The following OPA1 variants were observed in gnomAD, a reference collection of about 807,000 sequenced individuals.
OPA1 encodes the protein OPA1 mitochondrial dynamin like GTPase, also known as dynamin-like GTPase OPA1, mitochondrial.
A neutral mutation model predicts 152.9 loss-of-function variants in OPA1; 59 were observed. The observed-to-expected ratio is 0.39, with a 90% confidence interval of 0.31 to 0.48. The LOEUF is 0.48. Among genes scored for constraint, OPA1 ranks in the 20% least tolerant of loss-of-function variants. The pLI, the probability that OPA1 is intolerant of heterozygous loss-of-function variation, is 0.96. For synonymous variants in OPA1, 400 were observed against 389.9 expected, an observed-to-expected ratio of 1.03 and a Z score of -0.31; for missense variants, 1,008 against 1,216.8, an observed-to-expected ratio of 0.83 and a Z score of 2.55.
At chr3:193,653,019 C>T (rs971364854) in intron 21 of OPA1, among the ~76,000 whole-genome samples, 3 of 152,156 alleles carry the variant, frequency 2.0e-5, no homozygotes, top group African/African-American at 7.2e-5. Flanking sequence ...CCCTGGAGGT[C>T]AGAGGCTGGA....
At chr3:193,654,513 G>T (rs928031630) in intron 21 of OPA1, among the ~76,000 whole-genome samples, 1 of 146,594 alleles carries the variant, frequency 6.8e-6, no homozygotes, top group Non-Finnish European at 1.5e-5. Flanking sequence ...AAAAAAAAAA[G>T]TGAAATATTA....
At chr3:193,613,972 T>A in intron 1 of OPA1, 1 of 519,006 alleles carries the variant, frequency 1.9e-6, no homozygotes, top group African/African-American at 1.9e-5. Flanking sequence ...AGTAAGCAAC[T>A]AATAGTAAGC....
chr3:193,653,271 C>T (rs1451684708), intron 21 of OPA1, among the ~76,000 whole-genome samples: 2 of 152,152 alleles, frequency 1.3e-5, no homozygotes, highest in Non-Finnish European at 2.9e-5. Context: ...CAGTGGGAAA[C>T]CAGGATCTGT....
chr3:193,668,470 G>A (rs952644026), intron 29 of OPA1: 7 of 1,550,436 alleles, frequency 4.5e-6, no homozygotes, highest in African/African-American at 2.7e-5. Context: ...GCTCTGCTCT[G>A]ACGCTTTGTG....
At chr3:193,628,328 C>T (rs1731500856) in intron 7 of OPA1, among the ~76,000 whole-genome samples, 1 of 152,000 alleles carries the variant, frequency 6.6e-6, no homozygotes, top group Non-Finnish European at 1.5e-5. Context: ...ATTAGAACTA[C>T]CATTGGTAGT....
chr3:193,672,690 GAAACCCCGTCTCTACT>G (rs1268513052), intron 29 of OPA1, among the ~76,000 whole-genome samples: 14 of 152,188 alleles, frequency 9.2e-5, no homozygotes, highest in African/African-American at 3.1e-4. Context: ...CCAACATGGT[GAAACCCCGTCTCTACT>G]AAAAATGCGA....
chr3:193,637,642 A>G (rs776176920), intron 10 of OPA1, among the ~76,000 whole-genome samples: 3 of 152,282 alleles, frequency 2.0e-5, no homozygotes, highest in Non-Finnish European at 2.9e-5. Context: ...ATGTGTTTGT[A>G]AACAGTAAAC....
At chr3:193,605,489 A>G (rs1727113796) in intron 1 of OPA1, among the ~76,000 whole-genome samples, 1 of 152,168 alleles carries the variant, frequency 6.6e-6, no homozygotes, top group African/African-American at 2.4e-5. Flanking sequence ...GTTTAGAATG[A>G]TCTGTTAGTA....
At chr3:193,677,727 C>G (rs908458676) in intron 29 of OPA1, among the ~76,000 whole-genome samples, 5 of 152,172 alleles carry the variant, frequency 3.3e-5, no homozygotes, top group African/African-American at 9.7e-5. Context: ...CCCTTCTCCC[C>G]CAGTGAGCAC....
chr3:193,656,174 C>T (rs924534286), intron 22 of OPA1, among the ~76,000 whole-genome samples: 1 of 152,192 alleles, frequency 6.6e-6, no homozygotes, highest in African/African-American at 2.4e-5. Context: ...GATATTTTCA[C>T]ATCCTAAGGT....
intron 13 of OPA1, 107 bp downstream of exon 13, chr3:193,643,156 A>G (rs1433547749): frequency 2.1e-6 from 2 of 970,554 alleles, no homozygotes; most frequent in East Asian, 2.6e-5. Context: ...CTATCTAGAT[A>G]TGTAGAGCTT....
intron 29 of OPA1, 99 bp downstream of exon 29, chr3:193,667,379 C>A (rs965470074): frequency 1.3e-6 from 1 of 776,698 alleles, no homozygotes; most frequent in South Asian, 1.4e-5. Flanking sequence ...AGAAAAGTTA[C>A]AAGGAACTGG....
chr3:193,671,035 C>T (rs80105682), intron 29 of OPA1, among the ~76,000 whole-genome samples: 2 of 152,028 alleles, frequency 1.3e-5, no homozygotes, highest in African/African-American at 4.8e-5. Context: ...CAAATTGTAA[C>T]TCATTGAATG....
chr3:193,644,853 G>C, intron 16 of OPA1, among the ~76,000 whole-genome samples: 1 of 152,130 alleles, frequency 6.6e-6, no homozygotes, highest in Non-Finnish European at 1.5e-5. Flanking sequence ...TTGTATAAAA[G>C]ATTCAGCATT....
chr3:193,663,473 A>C (rs1256024892), intron 26 of OPA1, among the ~76,000 whole-genome samples: 1 of 152,070 alleles, frequency 6.6e-6, no homozygotes, highest in Non-Finnish European at 1.5e-5. Flanking sequence ...AATAGTCTAC[A>C]CTTTAGGCTA....
At position 193,695,830 on chromosome 3, in the gene OPA1, C is replaced by T. The variant is rs1722205782; in HGVS notation, c.*1230C>T. On this transcript the variant is annotated 3_prime_UTR_variant, in exon 31 of 31. Transcript: ENST00000361510. The stretch of plus-strand genomic sequence containing the variant: ...CTTTTTGGTAACAGCCCCATTGCTA[C>T]TCCCCATTTTATTGTTTTACATCAA... 6.6e-6 allele frequency: 1 copy of T among 152,182 alleles called. No homozygotes were observed. The highest frequency in any genetic ancestry group is 1.5e-5 in the Non-Finnish European group (1 of 68,022). 9.4% of individuals were successfully genotyped at this position (152,182 alleles called of 1,614,324 possible).
At chr3:193,615,087 T>A in intron 2 of OPA1, 46 bp downstream of exon 2, 1 of 1,376,788 alleles carries the variant, frequency 7.3e-7, no homozygotes, top group Non-Finnish European at 1.0e-6. Context: ...ATATCATGAT[T>A]AAGTTTCTAT....
rs2109460771 is a variant in OPA1, at chr3:193,692,119, G to C, written c.3040G>C (p.Glu1014Gln). Residue 1014 changes from glutamate (E) to glutamine (Q), a missense_variant, in exon 30 of 31, where the codon GAG (glutamate) becomes CAG (glutamine). Coordinates refer to ENST00000361510, the MANE Select transcript of OPA1 (RefSeq NM_130837.3). ...LDAFIEALHQ[E>Q]K ...TGCTTTCATTGAAGCTCTTCATCAG[G>C]AGAAATAAATTAAGTGAGTAAAAAT... 3 of 1,534,902 alleles carry C rather than the reference G, an allele frequency of 2.0e-6. No individual in the cohort carries two copies. The highest frequency in any genetic ancestry group is 2.7e-6 in the Non-Finnish European group (3 of 1,120,650).
intron 1 of OPA1, among the ~76,000 whole-genome samples, chr3:193,608,117 C>T (rs554874148): frequency 9.9e-5 from 15 of 152,114 alleles, no homozygotes; most frequent in African/African-American, 2.2e-4. Flanking sequence ...GTCTTGCTAG[C>T]GGTCTATCAA....
Sources: gnomAD v4.1 joint callset for allele counts (sites outside exome capture counted in the v4.1 genomes callset) on GRCh38, gnomAD v4.1.1 for gene constraint, MANE v1.5 for transcripts, NCBI Gene and HGNC (gene_info 2026-07-23, HGNC 2026-07-21) for gene names.